The following KDM7A variants were observed in gnomAD, a reference collection of about 807,000 sequenced individuals.
KDM7A encodes lysine demethylase 7A, also known as lysine-specific demethylase 7A.
In KDM7A, 28 loss-of-function variants were observed where a neutral mutation model predicts 114.8. That is an observed-to-expected ratio of 0.24 (90% confidence interval 0.18 to 0.33). KDM7A has a LOEUF of 0.33. Ranked by LOEUF, KDM7A falls within the 10% of genes least tolerant of loss-of-function variation. The pLI, the probability that KDM7A is intolerant of heterozygous loss-of-function variation, is 1.00. For synonymous variants in KDM7A, 423 were observed against 397.8 expected (o/e 1.06, Z -0.75); for missense variants, 942 against 1,142.5 (o/e 0.82, Z 2.53).
At chr7:140,146,669 A>G (rs1794342932) in intron 1 of KDM7A, among the ~76,000 whole-genome samples, 1 of 152,206 alleles carries the variant, frequency 6.6e-6, no homozygotes, top group Non-Finnish European at 1.5e-5. Flanking sequence ...GTGTTTTCCT[A>G]CAGGGTGACA....
At position 140,090,923 on chromosome 7, in the gene KDM7A, T is replaced by A; in HGVS notation, c.*171A>T. The A allele has an allele frequency of 1.7e-6, 1 of 589,478 alleles. No individual in the cohort carries two copies. The highest frequency in any genetic ancestry group is 2.8e-5 in the East Asian group (1 of 36,160). 36.5% of individuals were successfully genotyped at this position (589,478 alleles called of 1,614,324 possible). A position where few individuals can be genotyped will look rare whatever the true frequency, so the allele number is the denominator to read the frequency against. On this transcript the variant is annotated 3_prime_UTR_variant, in exon 20 of 20. Transcript: ENST00000397560. ...CCCCCACCAGGTCCAAAATGGTTAT[T>A]GCTGAGTGGGTGTGGCACAGTGAAA...
At chr7:140,100,628 T>G in intron 12 of KDM7A, among the ~76,000 whole-genome samples, 1 of 143,160 alleles carries the variant, frequency 7.0e-6, no homozygotes. Context: ...TAAAACATTA[T>G]AATTACATAC....
chr7:140,170,323 G>A lies in KDM7A; in HGVS notation c.194+6421C>T, dbSNP rs778644149. 1.6e-4 allele frequency among the ~76,000 whole-genome samples: 25 copies of A among 152,170 alleles called. 1 individual carries two copies. The highest frequency in any genetic ancestry group is 2.9e-5 in the Non-Finnish European group (2 of 68,040). ...AATAATTTTGATTTAAAAAAAGGAA[G>A]ATGTTTACAGGCATGTCTCTTCAGA... On this transcript the variant is annotated intron_variant, in intron 1 of 19. Transcript: ENST00000397560.
intron 1 of KDM7A, among the ~76,000 whole-genome samples, chr7:140,165,450 G>A (rs1479254530): frequency 6.6e-6 from 1 of 152,210 alleles, no homozygotes; most frequent in Non-Finnish European, 1.5e-5. Context: ...GTATGTTACA[G>A]TAGTCCCCTC....
At chr7:140,136,370 A>G (rs918909838) in intron 2 of KDM7A, among the ~76,000 whole-genome samples, 1 of 152,222 alleles carries the variant, frequency 6.6e-6, no homozygotes, top group Non-Finnish European at 1.5e-5. Flanking sequence ...GAAGGATACA[A>G]TTGTCCTGTT....
chr7:140,132,078 G>A (rs1818796122), intron 3 of KDM7A, among the ~76,000 whole-genome samples: 1 of 151,960 alleles, frequency 6.6e-6, no homozygotes, highest in African/African-American at 2.4e-5. Context: ...TGTAGAAAAG[G>A]GTCTCAAAAA....
At chr7:140,153,167 T>C (rs952771360) in intron 1 of KDM7A, among the ~76,000 whole-genome samples, 2 of 151,802 alleles carry the variant, frequency 1.3e-5, no homozygotes, top group African/African-American at 2.4e-5. Context: ...GGTCACGTGA[T>C]CGATGACAGG....
intron 1 of KDM7A, among the ~76,000 whole-genome samples, chr7:140,142,963 C>G (rs1215196785): frequency 6.6e-6 from 1 of 151,608 alleles, no homozygotes; most frequent in East Asian, 1.9e-4. Flanking sequence ...GGGCGGATCA[C>G]GAGGTCAGGA....
chr7:140,128,713 T>C (rs1382807110), intron 4 of KDM7A, among the ~76,000 whole-genome samples: 1 of 152,198 alleles, frequency 6.6e-6, no homozygotes, highest in East Asian at 1.9e-4. Flanking sequence ...AAGGGACAAG[T>C]TCTCAGATAT....
At chr7:140,154,222 A>C (rs1794432948) in intron 1 of KDM7A, among the ~76,000 whole-genome samples, 1 of 151,996 alleles carries the variant, frequency 6.6e-6, no homozygotes, top group Admixed American at 6.6e-5. Context: ...ACAGTAGCTC[A>C]TGTCTAAAAA....
At position 140,088,268 on chromosome 7, in the gene KDM7A, C is replaced by T; in HGVS notation, c.*2826G>A. 2.7e-6 allele frequency: 1 copy of T among 364,306 alleles called. No individual in the cohort carries two copies. The highest frequency in any genetic ancestry group is 4.9e-6 in the Non-Finnish European group (1 of 204,632). 22.6% of individuals were successfully genotyped at this position (364,306 alleles called of 1,614,324 possible). ...CCAACTTTATATTGTTTACATCACT[C>T]ATCAATATTGAAAAGCATAATATTA... On this transcript the variant is annotated 3_prime_UTR_variant, in exon 20 of 20. Coordinates refer to ENST00000397560, the MANE Select transcript of KDM7A (RefSeq NM_030647.2).
chr7:140,160,373 G>A (rs1562960374), intron 1 of KDM7A, among the ~76,000 whole-genome samples: 1 of 152,172 alleles, frequency 6.6e-6, no homozygotes, highest in African/African-American at 2.4e-5. Context: ...TAAGAAGCTT[G>A]TATCAGGGTC....
At chr7:140,154,189 T>C (rs1054078530) in intron 1 of KDM7A, among the ~76,000 whole-genome samples, 1 of 152,030 alleles carries the variant, frequency 6.6e-6, no homozygotes, top group African/African-American at 2.4e-5. Context: ...AAAACATTTT[T>C]TTTAAAAGTG....
At chr7:140,101,388 C>A (rs1010249863) in intron 12 of KDM7A, among the ~76,000 whole-genome samples, 1 of 152,172 alleles carries the variant, frequency 6.6e-6, no homozygotes, top group African/African-American at 2.4e-5. Context: ...ATTTGCTCTT[C>A]CCTCTGCCTG....
chr7:140,115,031 G>A (rs1195426551), intron 9 of KDM7A, among the ~76,000 whole-genome samples: 1 of 151,712 alleles, frequency 6.6e-6, no homozygotes, highest in Non-Finnish European at 1.5e-5. Context: ...CCCCGTCCAG[G>A]AGGTTGGGGG....
chr7:140,145,323 G>T (rs1024373610), intron 1 of KDM7A, among the ~76,000 whole-genome samples: 1 of 152,190 alleles, frequency 6.6e-6, no homozygotes, highest in Admixed American at 6.5e-5. Context: ...TGTGAAGACG[G>T]AAGGTAGTGA....
intron 1 of KDM7A, among the ~76,000 whole-genome samples, chr7:140,146,892 G>A (rs138478928): frequency 1.3e-5 from 2 of 151,988 alleles, no homozygotes; most frequent in East Asian, 1.9e-4. Context: ...TTTTCCTCTC[G>A]GATAACACTC....
chr7:140,106,782 T>G (rs1818344379), intron 11 of KDM7A, among the ~76,000 whole-genome samples: 1 of 152,018 alleles, frequency 6.6e-6, no homozygotes, highest in African/African-American at 2.4e-5. Flanking sequence ...GGGTGGAGAG[T>G]TCTGTAGATG....
At chr7:140,113,320 A>C (rs1818462773) in intron 10 of KDM7A, among the ~76,000 whole-genome samples, 171 bp downstream of exon 10, 1 of 152,256 alleles carries the variant, frequency 6.6e-6, no homozygotes, top group South Asian at 2.1e-4. Context: ...CTCATAAAAG[A>C]AGCCAGTACA....
Sources: gnomAD v4.1 joint callset for allele counts (sites outside exome capture counted in the v4.1 genomes callset) on GRCh38, gnomAD v4.1.1 for gene constraint, MANE v1.5 for transcripts, NCBI Gene and HGNC (gene_info 2026-07-23, HGNC 2026-07-21) for gene names.